The following DCC variants were observed in gnomAD, a reference collection of about 807,000 sequenced individuals.
The protein encoded by DCC is netrin receptor DCC.
Under a neutral mutation model 172.5 loss-of-function variants are expected in DCC, and 58 were observed. That is an observed-to-expected ratio of 0.34 (90% CI 0.27 to 0.42). DCC has a LOEUF of 0.42. Ranked by LOEUF, DCC falls within the 10% of genes least tolerant of loss-of-function variation. The pLI, the probability that DCC is intolerant of heterozygous loss-of-function variation, is 1.00. For synonymous variants in DCC, 709 were observed against 644.5 expected (o/e 1.10, Z -1.52); for missense variants, 1,740 against 1,791.0 (o/e 0.97, Z 0.51).
At chr18:53,499,572 C>T (rs1160025072) in intron 27 of DCC, 62 bp downstream of exon 27, 1 of 1,354,990 alleles carries the variant, frequency 7.4e-7, no homozygotes, top group Admixed American at 1.7e-5. Context: ...TATTTAAGTG[C>T]ATGAGGGTGC....
chr18:52,856,300 C>T (rs2039051481), intron 2 of DCC, among the ~76,000 whole-genome samples: 1 of 151,800 alleles, frequency 6.6e-6, no homozygotes, highest in Non-Finnish European at 1.5e-5. Flanking sequence ...GTTTATGGAA[C>T]TTAAGATGAT....
At chr18:52,588,710 A>G (rs572827297) in intron 1 of DCC, among the ~76,000 whole-genome samples, 2 of 150,492 alleles carry the variant, frequency 1.3e-5, no homozygotes, top group Admixed American at 6.6e-5. Context: ...GAGGGAGCAG[A>G]CAGAAGGAAT....
intron 1 of DCC, among the ~76,000 whole-genome samples, chr18:52,673,140 A>G (rs1048761716): frequency 2.0e-5 from 3 of 152,190 alleles, no homozygotes; most frequent in Non-Finnish European, 4.4e-5. Context: ...GCTGTTTAGG[A>G]AAGAAATTCA....
intron 1 of DCC, among the ~76,000 whole-genome samples, chr18:52,460,684 C>A (rs753068190): frequency 8.5e-5 from 13 of 152,148 alleles, no homozygotes; most frequent in Non-Finnish European, 1.6e-4. Context: ...ATGTGTACAG[C>A]ACGTTACTAT....
intron 12 of DCC, among the ~76,000 whole-genome samples, chr18:53,305,122 T>C (rs1377202291): frequency 1.3e-5 from 2 of 152,240 alleles, no homozygotes. Flanking sequence ...CTCAGCTATG[T>C]GGAACTATGA....
intron 1 of DCC, among the ~76,000 whole-genome samples, chr18:52,402,672 T>C (rs1312444698): frequency 6.6e-6 from 1 of 152,078 alleles, no homozygotes; most frequent in East Asian, 1.9e-4. Flanking sequence ...AATGAGACTA[T>C]TTTCCTTATC....
intron 5 of DCC, among the ~76,000 whole-genome samples, chr18:53,000,527 G>T (rs1312922122): frequency 6.7e-6 from 1 of 150,180 alleles, no homozygotes; most frequent in Non-Finnish European, 1.5e-5. Context: ...CTAAGACCTA[G>T]GAATGATCCT....
intron 12 of DCC, among the ~76,000 whole-genome samples, chr18:53,260,828 C>G (rs1037368720): frequency 5.3e-5 from 8 of 152,148 alleles, no homozygotes; most frequent in African/African-American, 1.9e-4. Flanking sequence ...AGGCAGGCCT[C>G]CTTGAACTGT....
At chr18:52,594,619 G>T (rs2033869346) in intron 1 of DCC, among the ~76,000 whole-genome samples, 2 of 152,174 alleles carry the variant, frequency 1.3e-5, no homozygotes, top group South Asian at 4.1e-4. Flanking sequence ...TATAAGAAAA[G>T]AGGTTTAATT....
chr18:53,140,766 T>C (rs534564106), intron 7 of DCC, among the ~76,000 whole-genome samples: 1 of 152,072 alleles, frequency 6.6e-6, no homozygotes, highest in African/African-American at 2.4e-5. Flanking sequence ...TATAGGAGGT[T>C]TGAGTGATTG....
chr18:53,324,603 C>G (rs2057447229), intron 14 of DCC, among the ~76,000 whole-genome samples: 1 of 151,872 alleles, frequency 6.6e-6, no homozygotes, highest in African/African-American at 2.4e-5. Context: ...AGACTAGAGC[C>G]CTTCAAGTAG....
chr18:53,121,846 G>A (rs2043488584), intron 7 of DCC, among the ~76,000 whole-genome samples: 1 of 151,830 alleles, frequency 6.6e-6, no homozygotes, highest in African/African-American at 2.4e-5. Flanking sequence ...ACTGCTCACA[G>A]TTCTATAAAG....
intron 1 of DCC, among the ~76,000 whole-genome samples, chr18:52,516,062 A>C (rs1394583406): frequency 1.3e-5 from 2 of 152,148 alleles, no homozygotes; most frequent in African/African-American, 4.8e-5. Context: ...ATGTCACTAC[A>C]CACCTAACAG....
intron 1 of DCC, among the ~76,000 whole-genome samples, chr18:52,539,896 A>G (rs1036846334): frequency 1.3e-5 from 2 of 152,186 alleles, no homozygotes; most frequent in African/African-American, 2.4e-5. Context: ...AAAATAAACA[A>G]CAACAACAAA....
At chr18:53,492,333 G>A (rs1436711400) in intron 26 of DCC, among the ~76,000 whole-genome samples, 6 of 151,992 alleles carry the variant, frequency 3.9e-5, no homozygotes, top group African/African-American at 1.5e-4. Flanking sequence ...GTCAGTTTTG[G>A]CTTTTGTTGT....
intron 15 of DCC, among the ~76,000 whole-genome samples, chr18:53,349,546 T>C (rs1454984256): frequency 6.6e-6 from 1 of 152,190 alleles, no homozygotes; most frequent in African/African-American, 2.4e-5. Context: ...ATTTTCACAC[T>C]GCTTGTAAGA....
intron 21 of DCC, among the ~76,000 whole-genome samples, chr18:53,428,444 T>TAATATATTACATATAATA (rs1599139678): frequency 3.0e-5 from 1 of 32,996 alleles, no homozygotes; most frequent in Non-Finnish European, 6.8e-5. Flanking sequence ...ATATAATATA[T>TAATATATTACATATAATA]TATATTATTT....
intron 1 of DCC, among the ~76,000 whole-genome samples, chr18:52,448,265 T>C (rs934316973): frequency 6.6e-6 from 1 of 152,152 alleles, no homozygotes; most frequent in Admixed American, 6.5e-5. Flanking sequence ...GTGAAACAGT[T>C]TCATCCCAAA....
chr18:52,380,787 A>G (rs1407287407), intron 1 of DCC, among the ~76,000 whole-genome samples: 1 of 152,056 alleles, frequency 6.6e-6, no homozygotes, highest in Non-Finnish European at 1.5e-5. Flanking sequence ...CTTGCACCCA[A>G]TGTATTAAAT....
Sources: gnomAD v4.1 joint callset for allele counts (sites outside exome capture counted in the v4.1 genomes callset) on GRCh38, gnomAD v4.1.1 for gene constraint, MANE v1.5 for transcripts, NCBI Gene and HGNC (gene_info 2026-07-23, HGNC 2026-07-21) for gene names.